Variants in KCNQ1 observed in about 807,000 individuals in gnomAD.
The protein encoded by KCNQ1 is potassium voltage-gated channel subfamily KQT member 1.
KCNQ1 carries 49 observed loss-of-function variants against 72.4 expected under a neutral mutation model. The observed-to-expected ratio is 0.68, with a 90% CI of 0.54 to 0.86. KCNQ1 has a LOEUF of 0.86. Ranked by LOEUF, KCNQ1 falls within the 40% of genes least tolerant of loss-of-function variation. KCNQ1 has a pLI of 0.00. For synonymous variants in KCNQ1, 450 were observed against 412.6 expected (o/e 1.09, Z -1.10); for missense variants, 790 against 945.1 (o/e 0.84, Z 2.15).
chr11:2,628,579 C>T (rs527344082), intron 10 of KCNQ1: 5 of 398,332 alleles, frequency 1.3e-5, no homozygotes, highest in East Asian at 7.1e-5. Flanking sequence ...TATTTTCTCC[C>T]GCTACATGTG....
At chr11:2,561,018 C>T (rs1207780380) in intron 2 of KCNQ1, among the ~76,000 whole-genome samples, 8 of 151,562 alleles carry the variant, frequency 5.3e-5, no homozygotes, top group South Asian at 2.1e-4. Context: ...CTGGCTAACA[C>T]GGTGAAACCC....
In KCNQ1 at chr11:2,462,917, G is replaced by A. The variant is rs1589893419; in HGVS notation, c.386+17433G>A. On this transcript the variant is annotated intron_variant, in intron 1 of 15. Coordinates refer to ENST00000155840, the MANE Select transcript of KCNQ1 (RefSeq NM_000218.3). The surrounding 1 kb of genome is among the most constrained non-coding windows in gnomAD (Gnocchi z 8.2). ...AGCCTGGGGTTCAGGTTTCTTCCCC[G>A]TGAGCTGAGCAGACAGGGAGGGTCT... Among the ~76,000 whole-genome samples, 2 of 152,204 alleles carry A rather than the reference G, an allele frequency of 1.3e-5. No individual in the cohort carries two copies. The highest frequency in any genetic ancestry group is 1.9e-4 in the East Asian group (1 of 5,194).
intron 10 of KCNQ1, chr11:2,640,949 A>G (rs1423887174): frequency 5.0e-6 from 2 of 398,904 alleles, no homozygotes; most frequent in African/African-American, 4.1e-5. Context: ...TGCCTGGCTT[A>G]AAATAATGAC....
chr11:2,818,617 G>A lies in KCNQ1; in HGVS notation c.1795-29150G>A, dbSNP rs994550850. 2.6e-5 allele frequency among the ~76,000 whole-genome samples: 4 copies of A among 152,118 alleles called. No homozygotes were observed. The highest frequency in any genetic ancestry group is 9.7e-5 in the African/African-American group (4 of 41,410). On this transcript the variant is annotated intron_variant, in intron 15 of 15. Transcript: ENST00000155840. This position sits in a 1 kb window ranked among gnomAD's most constrained non-coding sequence, Gnocchi z 7.2. ...GGAGGCTGGAAGCCCCCGGAATGCGGCCCACCCTGTCTCCAGTTGTTCCCT... is the reference window on the plus strand; with the variant it reads ...GGAGGCTGGAAGCCCCCGGAATGCGACCCACCCTGTCTCCAGTTGTTCCCT...
Position 2,703,583 on chromosome 11 carries a change from T to C in KCNQ1, c.1514+41502T>C, listed in dbSNP as rs986539282. Among the ~76,000 whole-genome samples the C allele has an allele frequency of 7.3e-5, 11 of 151,576 alleles. No individual in the cohort carries two copies. Among genetic ancestry groups the C allele is most frequent in the African/African-American group, 2.7e-4 (11 of 41,182 alleles). On this transcript the variant is annotated intron_variant, in intron 11 of 15. Transcript: ENST00000155840. The surrounding 1 kb of genome is among the most constrained non-coding windows in gnomAD (Gnocchi z 6.4). ...GATTCCAAGGTATTTAGAGTGGGGG[T>C]GGGGGATTAGGGGAGGAAGTTGCTG...
intron 15 of KCNQ1, among the ~76,000 whole-genome samples, chr11:2,838,496 C>T (rs765027515): frequency 2.6e-5 from 4 of 152,160 alleles, no homozygotes; most frequent in Non-Finnish European, 5.9e-5. Context: ...ATGGGGCCAC[C>T]CTGCTGGGCT....
intron 1 of KCNQ1, among the ~76,000 whole-genome samples, chr11:2,461,165 G>A (rs899294540): frequency 1.3e-5 from 2 of 152,180 alleles, no homozygotes; most frequent in African/African-American, 4.8e-5. Context: ...GCTGGAACTC[G>A]GTGTCCGACC....
In KCNQ1 at chr11:2,543,024, G is replaced by T. The variant is rs1171964089; in HGVS notation, c.477+15006G>T. Among the ~76,000 whole-genome samples, 1 of 152,196 alleles carries T rather than the reference G, an allele frequency of 6.6e-6. No homozygotes were observed. Among genetic ancestry groups the T allele is most frequent in the Admixed American group, 6.5e-5 (1 of 15,288 alleles). On this transcript the variant is annotated intron_variant, in intron 2 of 15. Coordinates refer to ENST00000155840, the MANE Select transcript of KCNQ1 (RefSeq NM_000218.3). This position sits in a 1 kb window ranked among gnomAD's most constrained non-coding sequence, Gnocchi z 5.6. ...TTTCATGTTAGCCAGTCTAAGAGGT[G>T]TGCGTGGCATCCTGCTGTGGTTTTA...
At chr11:2,474,339 C>G (rs1316959098) in intron 1 of KCNQ1, among the ~76,000 whole-genome samples, 1 of 152,154 alleles carries the variant, frequency 6.6e-6, no homozygotes, top group African/African-American at 2.4e-5. Context: ...GGGCAGATGC[C>G]AGGGCAGTGA....
chr11:2,555,214 T>C (rs561877250), intron 2 of KCNQ1, among the ~76,000 whole-genome samples: 49 of 152,326 alleles, frequency 3.2e-4, no homozygotes, highest in African/African-American at 9.6e-4. Context: ...TTTGCCAAAC[T>C]TCTAGTGCTG....
Position 2,479,101 on chromosome 11 carries a change from C to T in KCNQ1, c.386+33617C>T, listed in dbSNP as rs117172197. ...TTCCCATAGTCTTGAGCAGCTCTGC[C>T]CCTCTGGCTTTGCAGGGTACAGCCT... On this transcript the variant is annotated intron_variant, in intron 1 of 15. Coordinates refer to ENST00000155840, the MANE Select transcript of KCNQ1 (RefSeq NM_000218.3). The surrounding 1 kb of genome is among the most constrained non-coding windows in gnomAD (Gnocchi z 4.6). 1.6e-3 allele frequency among the ~76,000 whole-genome samples: 247 copies of T among 152,314 alleles called. 6 individuals are homozygous for T. In the East Asian group the frequency reaches 0.045, roughly 28 times the overall value.
intron 2 of KCNQ1, among the ~76,000 whole-genome samples, chr11:2,552,100 C>T (rs1202253765): frequency 6.6e-6 from 1 of 151,834 alleles, no homozygotes; most frequent in Non-Finnish European, 1.5e-5. Flanking sequence ...TGATGAAGTT[C>T]AATTCATCAG....
rs929497375 is a variant in KCNQ1 at position 2,759,122 on chromosome 11, T to C, written c.1515-9722T>C. Among the ~76,000 whole-genome samples, 7 of 149,326 alleles carry C rather than the reference T, an allele frequency of 4.7e-5. No homozygotes were observed. Among genetic ancestry groups the C allele is most frequent in the Non-Finnish European group, 5.9e-5 (4 of 67,366 alleles). On this transcript the variant is annotated intron_variant, in intron 11 of 15. Coordinates refer to ENST00000155840, the MANE Select transcript of KCNQ1 (RefSeq NM_000218.3). This position sits in a 1 kb window ranked among gnomAD's most constrained non-coding sequence, Gnocchi z 4.4. Reference sequence around the variant, plus strand: ...GACCTCTTGGTACTTTTTTTTTTTTTCCCAACTTCCTAGGAGTCTATAATT... The same window carrying C: ...GACCTCTTGGTACTTTTTTTTTTTTCCCCAACTTCCTAGGAGTCTATAATT...
At chr11:2,489,873 A>G (rs1045176557) in intron 1 of KCNQ1, among the ~76,000 whole-genome samples, 1 of 152,208 alleles carries the variant, frequency 6.6e-6, no homozygotes, top group Admixed American at 6.5e-5. Flanking sequence ...CAGCAGTGCC[A>G]GGTAGTATCC....
intron 2 of KCNQ1, among the ~76,000 whole-genome samples, chr11:2,555,102 C>T (rs896437658): frequency 1.3e-5 from 2 of 152,188 alleles, no homozygotes; most frequent in Non-Finnish European, 2.9e-5. Flanking sequence ...GTGTGGGTTG[C>T]AGCTCCTCAA....
intron 10 of KCNQ1, among the ~76,000 whole-genome samples, chr11:2,605,228 C>A (rs117372786): frequency 6.6e-6 from 1 of 152,106 alleles, no homozygotes; most frequent in Non-Finnish European, 1.5e-5. Flanking sequence ...TATTTTCTCC[C>A]ATCTGTAGGT....
rs923822023 is a variant in KCNQ1 at position 2,645,513 on chromosome 11, G to A, written c.1394-16448G>A. The A allele has an allele frequency of 3.3e-5, 13 of 398,650 alleles. No homozygotes were observed. The highest frequency in any genetic ancestry group is 5.3e-5 in the Non-Finnish European group (12 of 226,194). The allele number at this position is 398,650 out of a possible 1,614,324, so 24.7% of individuals were successfully genotyped here. On this transcript the variant is annotated intron_variant, in intron 10 of 15. Transcript: ENST00000155840. The surrounding 1 kb of genome is among the most constrained non-coding windows in gnomAD (Gnocchi z 5.8). ...ATGTTGGGGCAGCAGCAACTCTATT[G>A]CAGCCCTACTCCTGGGGAAGTTGAG...
intron 1 of KCNQ1, among the ~76,000 whole-genome samples, chr11:2,527,622 G>A (rs914397382): frequency 6.6e-6 from 1 of 152,228 alleles, no homozygotes; most frequent in Non-Finnish European, 1.5e-5. Flanking sequence ...GCTGTCCAGG[G>A]CGTAGCCACA....
In KCNQ1 at chr11:2,626,021, T is replaced by G. The variant is rs1452933855; in HGVS notation, c.1394-35940T>G. On this transcript the variant is annotated intron_variant, in intron 10 of 15. Transcript: ENST00000155840. The surrounding 1 kb of genome is among the most constrained non-coding windows in gnomAD (Gnocchi z 4.0). The stretch of plus-strand genomic sequence containing the variant: ...TATTGCTTAGTTGATATTATTTTAA[T>G]GCACACAATGTAAATTTTTAAAATT... The G allele has an allele frequency of 1.0e-5, 4 of 398,542 alleles. No individual in the cohort carries two copies. In the Admixed American group the frequency reaches 1.8e-4, roughly 18 times the overall value. 24.7% of individuals were successfully genotyped at this position (398,542 alleles called of 1,614,324 possible). A position where few individuals can be genotyped will look rare whatever the true frequency, so the allele number is the denominator to read the frequency against.
Sources: allele counts gnomAD v4.1 joint callset (sites outside exome capture counted in the v4.1 genomes callset), GRCh38; gene constraint gnomAD v4.1.1; non-coding constraint Gnocchi (gnomAD v3.1); transcripts MANE v1.5; gene names NCBI Gene and HGNC (gene_info 2026-07-23, HGNC 2026-07-21).